Variants in SNX29 observed in about 807,000 individuals in gnomAD.
SNX29 encodes the protein sorting nexin-29.
In SNX29, 78 loss-of-function variants were observed where a neutral mutation model predicts 102.1. That is an observed-to-expected ratio of 0.76 (90% confidence interval 0.64 to 0.92). SNX29 has a LOEUF of 0.92. Among genes scored for constraint, SNX29 ranks in the 40% least tolerant of loss-of-function variants. The pLI is 0.00. For synonymous variants in SNX29, 580 were observed against 414.5 expected (o/e 1.40, Z -4.85); for missense variants, 1,280 against 1,061.7 (o/e 1.21, Z -2.86).
At chr16:12,366,035 CT>C (rs369035641) in intron 16 of SNX29, among the ~76,000 whole-genome samples, 6,922 of 87,560 alleles carry the variant, frequency 0.079, 365 homozygotes, top group African/African-American at 0.17. Flanking sequence ...GAGTGAGACT[CT>C]TGTCTCAAAA....
intron 13 of SNX29, among the ~76,000 whole-genome samples, chr16:12,177,504 T>C (rs938624077): frequency 2.6e-5 from 4 of 152,214 alleles, no homozygotes; most frequent in African/African-American, 9.6e-5. Context: ...TAGGTCTTAA[T>C]GAAAGTTACA....
intron 18 of SNX29, among the ~76,000 whole-genome samples, chr16:12,456,732 G>C (rs1394888515): frequency 6.6e-6 from 1 of 152,140 alleles, no homozygotes; most frequent in Admixed American, 6.6e-5. Flanking sequence ...GTATGTGCAT[G>C]TGTGCCTGGG....
intron 16 of SNX29, among the ~76,000 whole-genome samples, chr16:12,390,178 G>GTGTGTGTGTGTGTGTGTA (rs1303815035): frequency 4.0e-5 from 6 of 149,558 alleles, no homozygotes; most frequent in African/African-American, 1.5e-4. Flanking sequence ...GTGTGTGTGT[G>GTGTGTGTGTGTGTGTGTA]TGTATGTATA....
At chr16:12,012,708 G>A (rs2056694766) in intron 3 of SNX29, among the ~76,000 whole-genome samples, 1 of 151,898 alleles carries the variant, frequency 6.6e-6, no homozygotes, top group Non-Finnish European at 1.5e-5. Flanking sequence ...TGCCTGGCAG[G>A]GCATTATTTC....
intron 20 of SNX29, among the ~76,000 whole-genome samples, chr16:12,540,941 G>A (rs368819439): frequency 1.3e-5 from 2 of 152,202 alleles, no homozygotes; most frequent in Non-Finnish European, 2.9e-5. Flanking sequence ...CCACTTTTGG[G>A]GTCAGGCTGC....
At chr16:12,416,662 G>T (rs1171903372) in intron 18 of SNX29, among the ~76,000 whole-genome samples, 1 of 152,200 alleles carries the variant, frequency 6.6e-6, no homozygotes, top group Non-Finnish European at 1.5e-5. Flanking sequence ...TCGGCTTCTG[G>T]GAAGGCCTTG....
At chr16:12,135,852 G>A in intron 13 of SNX29, 1 of 343,774 alleles carries the variant, frequency 2.9e-6, no homozygotes, top group Non-Finnish European at 5.6e-6. Context: ...AAGTAGACAT[G>A]TCATCTCAAC....
intron 18 of SNX29, among the ~76,000 whole-genome samples, chr16:12,412,078 T>A (rs906296414): frequency 6.6e-6 from 1 of 152,042 alleles, no homozygotes; most frequent in African/African-American, 2.4e-5. Context: ...AGGACCTCCA[T>A]GAAAGCAACC....
intron 18 of SNX29, among the ~76,000 whole-genome samples, chr16:12,463,083 T>C (rs901207464): frequency 1.7e-4 from 26 of 152,224 alleles, no homozygotes; most frequent in African/African-American, 6.3e-4. Flanking sequence ...CCCCTGCTGC[T>C]GCTGCCCATG....
chr16:12,042,462 C>T (rs534554254), intron 4 of SNX29, among the ~76,000 whole-genome samples: 58 of 152,268 alleles, frequency 3.8e-4, no homozygotes, highest in African/African-American at 1.3e-3. Context: ...GTAGTTTTTC[C>T]GTCTGTGCTC....
intron 14 of SNX29, among the ~76,000 whole-genome samples, chr16:12,253,745 G>C (rs957960130): frequency 6.6e-6 from 1 of 152,186 alleles, no homozygotes; most frequent in Admixed American, 6.5e-5. Flanking sequence ...AGGTGGGAAT[G>C]AGAAGGGGGC....
At chr16:12,546,607 A>C (rs2077621405) in intron 20 of SNX29, 1 of 152,228 alleles carries the variant, frequency 6.6e-6, no homozygotes, top group Non-Finnish European at 1.5e-5. Context: ...TACAGGTGGA[A>C]CATAAATGCC....
chr16:11,978,512 G>A (rs531577977), intron 1 of SNX29, among the ~76,000 whole-genome samples: 4 of 152,160 alleles, frequency 2.6e-5, no homozygotes, highest in Admixed American at 6.5e-5. Flanking sequence ...TGAATATCAC[G>A]AGGTGCATTG....
rs930443368 is a variant in SNX29, at chr16:12,514,829, C to T, written c.2179-9873C>T. 3.3e-5 allele frequency among the ~76,000 whole-genome samples: 5 copies of T among 151,532 alleles called. No individual in the cohort carries two copies. In the South Asian group the frequency reaches 6.3e-4, roughly 19 times the overall value. On this transcript the variant is annotated intron_variant, in intron 19 of 20. Transcript: ENST00000566228. ...GCAGTGAGCCGAGATTGTGCCACTG[C>T]ACTCTAGCCTGGACAACAGAGCAAA...
chr16:12,234,579 C>T (rs939034100), intron 14 of SNX29, among the ~76,000 whole-genome samples: 2 of 152,074 alleles, frequency 1.3e-5, no homozygotes, highest in East Asian at 3.9e-4. Flanking sequence ...AAGTTGAATT[C>T]ATCTATTTTT....
chr16:12,408,157 C>A (rs1456668492), intron 18 of SNX29, among the ~76,000 whole-genome samples: 3 of 142,998 alleles, frequency 2.1e-5, no homozygotes, highest in South Asian at 2.2e-4. Context: ...GGACCCTTCT[C>A]AAAAAAACAA....
intron 20 of SNX29, among the ~76,000 whole-genome samples, chr16:12,536,410 C>G (rs1441581913): frequency 6.6e-6 from 1 of 151,888 alleles, no homozygotes; most frequent in African/African-American, 2.4e-5. Flanking sequence ...GCAGAATGGC[C>G]TCATCAGTAA....
chr16:12,495,014 C>G (rs561091916), intron 19 of SNX29, among the ~76,000 whole-genome samples: 13 of 152,280 alleles, frequency 8.5e-5, no homozygotes, highest in African/African-American at 3.1e-4. Flanking sequence ...AGTTAGCATC[C>G]CTGCCTCACC....
At chr16:12,322,687 G>C (rs1239781192) in intron 15 of SNX29, among the ~76,000 whole-genome samples, 2 of 152,038 alleles carry the variant, frequency 1.3e-5, no homozygotes, top group East Asian at 3.9e-4. Context: ...ATTAGGACGC[G>C]GTCGCTGGGG....
Sources: allele counts gnomAD v4.1 joint callset (sites outside exome capture counted in the v4.1 genomes callset), GRCh38; gene constraint gnomAD v4.1.1; transcripts MANE v1.5; gene names NCBI Gene and HGNC (gene_info 2026-07-23, HGNC 2026-07-21).